The following GPHN variants were observed in gnomAD, a reference collection of about 807,000 sequenced individuals.
GPHN encodes gephyrin.
A neutral mutation model predicts 95.5 loss-of-function variants in GPHN; 17 were observed. That is an observed-to-expected ratio of 0.18 (90% CI 0.12 to 0.27). The LOEUF is 0.27. Among genes scored for constraint, GPHN ranks in the 10% least tolerant of loss-of-function variants. The pLI, the probability that GPHN is intolerant of heterozygous loss-of-function variation, is 1.00. For missense variants in GPHN, 660 were observed against 978.1 expected (o/e 0.67, Z 4.34); for synonymous variants, 320 against 322.5 (o/e 0.99, Z 0.08).
the GPHN span, chr14:67,317,333 A>G: frequency 8.1e-7 from 1 of 1,239,294 alleles, no homozygotes; most frequent in East Asian, 2.4e-5. Context: ...ATGAATAAAT[A>G]GAGTTCTTCA....
chr14:66,685,493 G>C (rs1486388556), intron 2 of GPHN, among the ~76,000 whole-genome samples: 1 of 152,184 alleles, frequency 6.6e-6, no homozygotes, highest in African/African-American at 2.4e-5. Flanking sequence ...GCATTTCTCT[G>C]ATGGCCAGTG....
intron 1 of GPHN, among the ~76,000 whole-genome samples, chr14:66,652,451 C>G (rs950896104): frequency 6.6e-6 from 1 of 151,596 alleles, no homozygotes; most frequent in African/African-American, 2.4e-5. Flanking sequence ...ACCACATGTT[C>G]AGAATCTGCT....
chr14:67,359,103 A>G, the GPHN span, among the ~76,000 whole-genome samples: 2 of 152,234 alleles, frequency 1.3e-5, no homozygotes. Context: ...ATCCTCTCAC[A>G]GCAGGTGACA....
chr14:67,276,485 CAA>C, the GPHN span, among the ~76,000 whole-genome samples: 1 of 151,980 alleles, frequency 6.6e-6, no homozygotes, highest in Non-Finnish European at 1.5e-5. Flanking sequence ...TACCACAGAC[CAA>C]GTTTTATAGT....
At chr14:67,421,016 G>A in the GPHN span, among the ~76,000 whole-genome samples, 1 of 152,196 alleles carries the variant, frequency 6.6e-6, no homozygotes, top group Non-Finnish European at 1.5e-5. Context: ...CACATCTTGA[G>A]TGGCAGGGAG....
the GPHN span, among the ~76,000 whole-genome samples, chr14:67,543,242 G>A: frequency 2.1e-3 from 322 of 152,344 alleles, no homozygotes; most frequent in Non-Finnish European, 3.2e-3. Flanking sequence ...TGGATGACCT[G>A]TTTTATTGAT....
intron 1 of GPHN, among the ~76,000 whole-genome samples, chr14:66,515,238 A>G (rs1027111646): frequency 3.9e-5 from 6 of 152,148 alleles, no homozygotes; most frequent in African/African-American, 9.7e-5. Flanking sequence ...CCCTTTTGTC[A>G]TAGCATCTGT....
At chr14:67,107,831 A>G (rs866425312) in intron 13 of GPHN, among the ~76,000 whole-genome samples, 24 of 152,156 alleles carry the variant, frequency 1.6e-4, no homozygotes, top group African/African-American at 5.5e-4. Flanking sequence ...CTAAGGGGCT[A>G]TAGTCTAGCT....
chr14:67,030,994 T>TG (rs1472043575), intron 10 of GPHN, among the ~76,000 whole-genome samples: 2 of 142,070 alleles, frequency 1.4e-5, no homozygotes, highest in Admixed American at 7.0e-5. Flanking sequence ...TTGAAAATAC[T>TG]GGGGGTTTTG....
At chr14:66,655,441 A>C (rs1353687483) in intron 1 of GPHN, among the ~76,000 whole-genome samples, 1 of 152,020 alleles carries the variant, frequency 6.6e-6, no homozygotes, top group Non-Finnish European at 1.5e-5. Flanking sequence ...ATTGATTTTC[A>C]TATATCAGTC....
Position 67,116,276 on chromosome 14 carries a change from AAAAG to A in GPHN, c.1626+3117_1626+3120del, listed in dbSNP as rs754579175. Among the ~76,000 whole-genome samples the A allele has an allele frequency of 1.3e-3, 185 of 146,960 alleles. 1 individual carries two copies. Among genetic ancestry groups the A allele is most frequent in the Admixed American group, 0.01 (149 of 14,526 alleles). ...CAGAGTGAGACAAAGAAAGAAAAGA[AAAAG>A]AAAGAAAGAAAAGAAAAAGAAAGAA... On this transcript the variant is annotated intron_variant, in intron 16 of 22. Transcript: ENST00000478722.
At chr14:67,562,745 G>A in the GPHN span, 2 of 1,613,834 alleles carry the variant, frequency 1.2e-6, no homozygotes, top group African/African-American at 2.7e-5. Flanking sequence ...TAGGTCCCGG[G>A]AGGAACCAGA....
At chr14:67,150,466 A>C (rs554915454) in intron 18 of GPHN, among the ~76,000 whole-genome samples, 3 of 150,968 alleles carry the variant, frequency 2.0e-5, no homozygotes, top group East Asian at 1.9e-4. Context: ...AAAAAAAAAA[A>C]AAAAAAACAT....
chr14:67,077,682 G>A (rs1296829328), intron 11 of GPHN, among the ~76,000 whole-genome samples: 1 of 152,140 alleles, frequency 6.6e-6, no homozygotes, highest in African/African-American at 2.4e-5. Context: ...AGTCATCTCA[G>A]TTTTAAAAAG....
intron 3 of GPHN, among the ~76,000 whole-genome samples, chr14:66,801,097 CTG>C (rs1310497545): frequency 6.6e-6 from 1 of 152,090 alleles, no homozygotes; most frequent in Non-Finnish European, 1.5e-5. Flanking sequence ...AATTTCTTCT[CTG>C]TCTTGTCTTG....
chr14:67,730,107 TGA>T, the GPHN span, among the ~76,000 whole-genome samples: 1 of 152,262 alleles, frequency 6.6e-6, no homozygotes, highest in South Asian at 2.1e-4. Flanking sequence ...TACTCAGTTC[TGA>T]GTGTGTAATG....
intron 2 of GPHN, among the ~76,000 whole-genome samples, chr14:66,721,951 CAAA>C (rs35174343): frequency 3.3e-5 from 2 of 60,110 alleles, no homozygotes; most frequent in Admixed American, 1.6e-4. Context: ...AACTCTGTCT[CAAA>C]AAAAAAAAAA....
At chr14:67,500,074 C>T in the GPHN span, among the ~76,000 whole-genome samples, 4 of 152,180 alleles carry the variant, frequency 2.6e-5, no homozygotes, top group South Asian at 2.1e-4. Context: ...AGTCTCTGCC[C>T]GTAGTCCCAG....
chr14:67,378,630 T>C, the GPHN span, among the ~76,000 whole-genome samples: 1 of 152,232 alleles, frequency 6.6e-6, no homozygotes, highest in Admixed American at 6.5e-5. Context: ...TTGTCTCAAC[T>C]GTCATCATCT....
Sources: allele counts gnomAD v4.1 joint callset (sites outside exome capture counted in the v4.1 genomes callset), GRCh38; gene constraint gnomAD v4.1.1; transcripts MANE v1.5; gene names NCBI Gene and HGNC (gene_info 2026-07-23, HGNC 2026-07-21).